Variants in ZP3 observed in about 807,000 individuals in gnomAD.
The protein encoded by ZP3 is zona pellucida glycoprotein 3.
Under a neutral mutation model 35.6 loss-of-function variants are expected in ZP3, and 21 were observed. That is an observed-to-expected ratio of 0.59 (90% CI 0.42 to 0.85). The LOEUF (loss-of-function observed/expected upper bound fraction) is 0.85. ZP3 is among the 40% of genes least tolerant of loss of function. ZP3 has a pLI of 0.00. For missense variants in ZP3, 437 were observed against 536.5 expected (o/e 0.81, Z 1.83); for synonymous variants, 207 against 214.5 (o/e 0.96, Z 0.31).
Position 76,429,587 on chromosome 7 carries a change from G to T in ZP3, c.385G>T (p.Val129Leu), listed in dbSNP as rs144669807. 3 of 1,614,078 alleles carry T rather than the reference G, an allele frequency of 1.9e-6. No homozygotes were observed. In the South Asian group the frequency reaches 3.3e-5, roughly 18 times the overall value. Residue 129 changes from valine to leucine, a missense_variant, in exon 2 of 8, where the codon GTG (valine) becomes TTG (leucine). Around this residue, in one of 6 missense-constraint regions of ZP3, gnomAD observed 352 missense variants for 308.4 expected, o/e 1.14. Coordinates refer to ENST00000394857, the MANE Select transcript of ZP3 (RefSeq NM_001110354.2). ...CCGCCCCGTGGGAAACCTGTCCATC[G>T]TGAGGACTAACCGCGCAGAGATTCC... ...DPRPVGNLSI[V>L]RTNRAEIPIE...
At chr7:76,414,695 CCTTTTTT>C (rs1445354068) in intron 1 of ZP3, among the ~76,000 whole-genome samples, 182 of 62,026 alleles carry the variant, frequency 2.9e-3, no homozygotes, top group African/African-American at 0.012. Context: ...TCCTCCTCCT[CCTTTTTT>C]TTTTTTTTTT....
At chr7:76,404,119 C>T (rs1176020446) in intron 1 of ZP3, among the ~76,000 whole-genome samples, 3 of 152,118 alleles carry the variant, frequency 2.0e-5, no homozygotes, top group Non-Finnish European at 4.4e-5. Flanking sequence ...CCTGTCACCT[C>T]CAGTACTGAG....
chr7:76,399,709 G>T (rs761220485), intron 1 of ZP3, among the ~76,000 whole-genome samples: 2 of 151,866 alleles, frequency 1.3e-5, no homozygotes, highest in Non-Finnish European at 2.9e-5. Flanking sequence ...CTGATTTTTC[G>T]TAGAGATAAG....
intron 1 of ZP3, chr7:76,404,538 T>A: frequency 6.3e-7 from 1 of 1,576,996 alleles, no homozygotes; most frequent in South Asian, 1.1e-5. Flanking sequence ...TTGCTGGGCC[T>A]CCCAGCACTT....
At chr7:76,416,000 C>T (rs183570043) in intron 1 of ZP3, among the ~76,000 whole-genome samples, 5 of 151,566 alleles carry the variant, frequency 3.3e-5, no homozygotes, top group African/African-American at 1.2e-4. Context: ...TGTGGTGTTG[C>T]ACACCTATAA....
intron 3 of ZP3, 52 bp downstream of exon 3, chr7:76,433,082 A>C: frequency 7.3e-7 from 1 of 1,375,526 alleles, no homozygotes; most frequent in Non-Finnish European, 9.9e-7. Flanking sequence ...GGGCCATCTC[A>C]GACCCCTGCC....
intron 4 of ZP3, 39 bp downstream of exon 4, chr7:76,433,686 A>C (rs745397167): frequency 1.8e-5 from 28 of 1,559,332 alleles, no homozygotes; most frequent in South Asian, 1.7e-4. Flanking sequence ...CCTTCCTAGC[A>C]AAATGACCCT....
intron 1 of ZP3, chr7:76,409,380 CACAA>C (rs1805170026): frequency 6.6e-6 from 1 of 152,460 alleles, no homozygotes; most frequent in Non-Finnish European, 1.5e-5. Context: ...CGCACACACA[CACAA>C]ACACTCCAGC....
At chr7:76,429,686 C>A in intron 2 of ZP3, 53 bp downstream of exon 2, 1 of 1,522,108 alleles carries the variant, frequency 6.6e-7, no homozygotes, top group Non-Finnish European at 9.1e-7. Flanking sequence ...TTGGGTGTGG[C>A]TGCAGGCAAG....
upstream of ZP3, among the ~76,000 whole-genome samples, chr7:76,424,351 G>A (rs560176779): frequency 1.4e-4 from 22 of 152,228 alleles, no homozygotes; most frequent in South Asian, 2.1e-4. Context: ...GGGCTGGGGC[G>A]GGCGCGGTGG....
chr7:76,422,974 G>C (rs1242197488), upstream of ZP3, among the ~76,000 whole-genome samples: 2 of 148,090 alleles, frequency 1.4e-5, no homozygotes, highest in African/African-American at 5.0e-5. Context: ...TCCAGCCTGG[G>C]CGACAGAATG....
chr7:76,427,977 A>G (rs538420815), intron 1 of ZP3, among the ~76,000 whole-genome samples: 1 of 152,120 alleles, frequency 6.6e-6, no homozygotes, highest in African/African-American at 2.4e-5. Context: ...CCCAGCCCTC[A>G]AGTAGTTTTT....
chr7:76,414,146 G>A lies in ZP3; in HGVS notation c.-66-10906G>A, dbSNP rs1218508605. Among the ~76,000 whole-genome samples the A allele has an allele frequency of 4.9e-4, 74 of 151,680 alleles. 1 individual carries two copies. The highest frequency in any genetic ancestry group is 4.9e-3 in the Admixed American group (74 of 15,192). On this transcript the variant is annotated intron_variant, in intron 1 of 8. Transcript: ENST00000336517. ...CAAGTAGCTGGGATTACAGGTGTGTGCCACCACACCTGGCTAATTTTTGTA... is the reference window on the plus strand; with the variant it reads ...CAAGTAGCTGGGATTACAGGTGTGTACCACCACACCTGGCTAATTTTTGTA...
At chr7:76,426,445 G>A (rs912287168) in intron 1 of ZP3, among the ~76,000 whole-genome samples, 1 of 152,210 alleles carries the variant, frequency 6.6e-6, no homozygotes, top group African/African-American at 2.4e-5. Context: ...GCTTGCCTGG[G>A]ATGGGGGCAA....
upstream of ZP3, chr7:76,424,774 G>C (rs1805598226): frequency 1.8e-6 from 1 of 561,180 alleles, no homozygotes; most frequent in South Asian, 2.7e-5. Context: ...TGGGGTGAAG[G>C]CTGAGAGTTT....
At chr7:76,420,883 A>ATG (rs1241062990), upstream of ZP3, among the ~76,000 whole-genome samples, 1 of 151,282 alleles carries the variant, frequency 6.6e-6, no homozygotes, top group African/African-American at 2.4e-5. Flanking sequence ...TAACATATAT[A>ATG]TACACATACA....
At position 76,438,616 on chromosome 7, in the gene ZP3, T is replaced by C. The variant is rs1584074498; in HGVS notation, c.832-1634T>C. On this transcript the variant is annotated intron_variant, in intron 5 of 7. Coordinates refer to ENST00000394857, the MANE Select transcript of ZP3 (RefSeq NM_001110354.2). ...TATTCCCTGGGTGGTGGGGGGTCTT[T>C]CAGCTCCCAGCAGGAGCTCATATTG... Among the ~76,000 whole-genome samples the C allele has an allele frequency of 2.1e-5, 3 of 146,040 alleles. No individual in the cohort carries two copies. In the South Asian group the frequency reaches 6.4e-4, roughly 31 times the overall value.
chr7:76,431,898 CAAAAA>C (rs67914265), intron 2 of ZP3, among the ~76,000 whole-genome samples: 3 of 144,240 alleles, frequency 2.1e-5, no homozygotes, highest in Admixed American at 7.0e-5. Context: ...GACTCCGTCT[CAAAAA>C]AAAAAAAAAA....
intron 5 of ZP3, among the ~76,000 whole-genome samples, chr7:76,436,030 C>CCT (rs1805991993): frequency 5.4e-5 from 4 of 74,246 alleles, no homozygotes; most frequent in African/African-American, 1.0e-4. Flanking sequence ...CCCCCGCCCC[C>CCT]TTTTTTTTTT....
Sources: allele counts gnomAD v4.1 joint callset (sites outside exome capture counted in the v4.1 genomes callset), GRCh38; gene constraint gnomAD v4.1.1; regional missense constraint gnomAD v4.1.1; transcripts MANE v1.5; gene names NCBI Gene and HGNC (gene_info 2026-07-23, HGNC 2026-07-21).